The following DMC1 variants were observed in gnomAD, a reference collection of about 807,000 sequenced individuals.
DMC1 encodes the protein DNA meiotic recombinase 1.
In DMC1, 27 loss-of-function variants were observed where a neutral mutation model predicts 50.1. The ratio of observed to expected loss-of-function variants is 0.54; its 90% confidence interval spans 0.40 to 0.74. The LOEUF is 0.74. DMC1 is among the 30% of genes least tolerant of loss of function. DMC1 has a pLI of 0.00. For synonymous variants in DMC1, 148 were observed against 136.1 expected (o/e 1.09, Z -0.61); for missense variants, 295 against 420.2 (o/e 0.70, Z 2.60).
rs528676110 is a variant in DMC1, at chr22:38,523,349, G to T, written c.837-1625C>A. On this transcript the variant is annotated intron_variant, in intron 12 of 13. Transcript: ENST00000216024. ...CAGATCGATGCCACTTAACTTTTCA[G>T]GTCACCCTACCTTACAGGTGGTTCT... Among the ~76,000 whole-genome samples, 11 of 152,252 alleles carry T rather than the reference G, an allele frequency of 7.2e-5. No individual in the cohort carries two copies. The East Asian group carries it at 2.1e-3, about 29-fold the overall frequency.
chr22:38,565,472 T>G (rs2090571882), intron 4 of DMC1, among the ~76,000 whole-genome samples: 1 of 152,116 alleles, frequency 6.6e-6, no homozygotes, highest in South Asian at 2.1e-4. Flanking sequence ...TTCTAGAAAT[T>G]TATGCATAAA....
At chr22:38,554,999 G>A (rs2090454045) in intron 6 of DMC1, among the ~76,000 whole-genome samples, 1 of 151,740 alleles carries the variant, frequency 6.6e-6, no homozygotes, top group Admixed American at 6.6e-5. Flanking sequence ...CAGGAGAATG[G>A]CGTGAACCCG....
rs139705221 is a variant in DMC1 at position 38,568,528 on chromosome 22, G to T, written c.-33-239C>A. The stretch of plus-strand genomic sequence containing the variant: ...AGATGCCTGAGGGGCAAATTGGGGG[G>T]TGCTTATTTAGTTTCTTCTCTTTCC... On this transcript the variant is annotated intron_variant, in intron 1 of 13. Coordinates refer to ENST00000216024, the MANE Select transcript of DMC1 (RefSeq NM_007068.4). 988 of 510,546 alleles carry T rather than the reference G, an allele frequency of 1.9e-3. 13 individuals carry two copies. Among genetic ancestry groups the T allele is most frequent in the African/African-American group, 0.017 (890 of 52,382 alleles). The allele number at this position is 510,546 out of a possible 1,614,324, so 31.6% of individuals were successfully genotyped here. A position where few individuals can be genotyped will look rare whatever the true frequency, so the allele number is the denominator to read the frequency against.
chr22:38,556,558 C>A (rs979492547), intron 5 of DMC1, among the ~76,000 whole-genome samples: 1 of 152,156 alleles, frequency 6.6e-6, no homozygotes, highest in Non-Finnish European at 1.5e-5. Flanking sequence ...AGAAGAGTAA[C>A]TGTCAGATTC....
downstream of DMC1, among the ~76,000 whole-genome samples, chr22:38,514,778 G>A (rs2089964802): frequency 1.3e-5 from 2 of 152,158 alleles, no homozygotes; most frequent in South Asian, 4.2e-4. Context: ...ATCCTGTATG[G>A]TCTAAAAGGA....
chr22:38,533,959 C>G (rs937863677), intron 12 of DMC1, among the ~76,000 whole-genome samples: 1 of 152,132 alleles, frequency 6.6e-6, no homozygotes, highest in Admixed American at 6.6e-5. Flanking sequence ...TGTCAAAATG[C>G]TTAACATTTT....
At chr22:38,548,431 C>T (rs1013015308) in intron 8 of DMC1, among the ~76,000 whole-genome samples, 1 of 152,104 alleles carries the variant, frequency 6.6e-6, no homozygotes, top group Non-Finnish European at 1.5e-5. Flanking sequence ...AAAAATTAGC[C>T]AGGCGTGGTG....
At chr22:38,514,891 TCA>T (rs2089965653), downstream of DMC1, among the ~76,000 whole-genome samples, 2 of 151,636 alleles carry the variant, frequency 1.3e-5, no homozygotes, top group African/African-American at 2.4e-5. Flanking sequence ...GTAAGTATAC[TCA>T]GTCAAGCAGC....
At chr22:38,511,790 T>C in the DMC1 span, among the ~76,000 whole-genome samples, 3 of 152,046 alleles carry the variant, frequency 2.0e-5, no homozygotes, top group Non-Finnish European at 4.4e-5. Context: ...ATAACAGAAC[T>C]CCAAATTTTA....
intron 9 of DMC1, 123 bp from the exon 10 acceptor site, chr22:38,538,735 T>G: frequency 1.1e-6 from 1 of 899,464 alleles, no homozygotes; most frequent in Non-Finnish European, 1.8e-6. Flanking sequence ...TATTGATGAC[T>G]TTATTAAATA....
At chr22:38,509,317 CGCCGACCCCCAACAG>C in the DMC1 span, among the ~76,000 whole-genome samples, 2 of 152,184 alleles carry the variant, frequency 1.3e-5, no homozygotes, top group Non-Finnish European at 2.9e-5. Flanking sequence ...GCTCTCCCTC[CGCCGACCCCCAACAG>C]GCCCCAGTAT....
chr22:38,520,119 TA>T (rs1022325228), intron 13 of DMC1, 30 bp from the exon 14 acceptor site: 2 of 1,558,198 alleles, frequency 1.3e-6, no homozygotes, highest in African/African-American at 1.4e-5. Flanking sequence ...CAGAAGTTTA[TA>T]AAAAGCTCTA....
chr22:38,523,984 A>G lies in DMC1; in HGVS notation c.837-2260T>C, dbSNP rs1157358051. 3.3e-5 allele frequency among the ~76,000 whole-genome samples: 5 copies of G among 152,208 alleles called. No homozygotes were observed. In the South Asian group the frequency reaches 1.0e-3, roughly 31 times the overall value. ...TGAACACAATGCTACTGCTTCTCCCAGCTAGTCTCTCAATGCTGCTCATTC... is the reference window on the plus strand; with the variant it reads ...TGAACACAATGCTACTGCTTCTCCCGGCTAGTCTCTCAATGCTGCTCATTC... On this transcript the variant is annotated intron_variant, in intron 12 of 13. Transcript: ENST00000216024.
At chr22:38,509,977 G>A in the DMC1 span, among the ~76,000 whole-genome samples, 2 of 151,946 alleles carry the variant, frequency 1.3e-5, no homozygotes, top group Non-Finnish European at 1.5e-5. Context: ...TATATATTAC[G>A]GTGTAATAAT....
intron 12 of DMC1, among the ~76,000 whole-genome samples, chr22:38,532,322 T>C (rs1452036099): frequency 6.6e-6 from 1 of 151,616 alleles, no homozygotes. Flanking sequence ...GTCTTTCTTT[T>C]TTTTTTTTTT....
At chr22:38,535,155 C>T (rs1441068153) in intron 12 of DMC1, among the ~76,000 whole-genome samples, 2 of 150,222 alleles carry the variant, frequency 1.3e-5, no homozygotes, top group South Asian at 2.1e-4. Context: ...AAAAATTAGC[C>T]GGGTGTGGTG....
At chr22:38,527,494 T>C (rs1225805082) in intron 12 of DMC1, among the ~76,000 whole-genome samples, 3 of 147,562 alleles carry the variant, frequency 2.0e-5, no homozygotes, top group Admixed American at 6.8e-5. Flanking sequence ...TGTGAGCCAC[T>C]GCACTGGACC....
At chr22:38,513,083 CAA>C in the DMC1 span, among the ~76,000 whole-genome samples, 22 of 114,208 alleles carry the variant, frequency 1.9e-4, no homozygotes, top group Non-Finnish European at 1.9e-4. Context: ...GAGTCTGTCT[CAA>C]AAAAAAAAAA....
At position 38,548,018 on chromosome 22, in the gene DMC1, T is replaced by A. The variant is rs573422879; in HGVS notation, c.494+1907A>T. ...TGTGTGTAACATTGCTGACAACTCATCGTCTTGAAACTTTCCTTTTGCTTG... is the reference window on the plus strand; with the variant it reads ...TGTGTGTAACATTGCTGACAACTCAACGTCTTGAAACTTTCCTTTTGCTTG... On this transcript the variant is annotated intron_variant, in intron 8 of 13. Coordinates refer to ENST00000216024, the MANE Select transcript of DMC1 (RefSeq NM_007068.4). Among the ~76,000 whole-genome samples, 3 of 152,362 alleles carry A rather than the reference T, an allele frequency of 2.0e-5. No individual in the cohort carries two copies. In the South Asian group the frequency reaches 6.2e-4, roughly 32 times the overall value.
Sources: allele counts gnomAD v4.1 joint callset (sites outside exome capture counted in the v4.1 genomes callset), GRCh38; gene constraint gnomAD v4.1.1; transcripts MANE v1.5; gene names NCBI Gene and HGNC (gene_info 2026-07-23, HGNC 2026-07-21).